Variants in SLC23A2 observed in about 807,000 individuals in gnomAD.
SLC23A2 encodes Na(+)/L-ascorbic acid transporter 2.
SLC23A2 carries 36 observed loss-of-function variants against 73.3 expected under a neutral mutation model. The observed-to-expected ratio is 0.49, with a 90% CI of 0.38 to 0.65. The LOEUF is 0.65. Among genes scored for constraint, SLC23A2 ranks in the 30% least tolerant of loss-of-function variants. SLC23A2 has a pLI of 0.00. For synonymous variants in SLC23A2, 343 were observed against 327.3 expected, an observed-to-expected ratio of 1.05 and a Z score of -0.52; for missense variants, 507 against 841.6, an observed-to-expected ratio of 0.60 and a Z score of 4.92.
rs1386653505 is a variant in SLC23A2, at chr20:4,872,008, T to G, written c.1102+1928A>C. Among the ~76,000 whole-genome samples, 2 of 152,170 alleles carry G rather than the reference T, an allele frequency of 1.3e-5. No individual in the cohort carries two copies. Among genetic ancestry groups the G allele is most frequent in the East Asian group, 3.8e-4 (2 of 5,202 alleles). On this transcript the variant is annotated intron_variant, in intron 11 of 16. Transcript: ENST00000338244. This position sits in a 1 kb window ranked among gnomAD's most constrained non-coding sequence, Gnocchi z 4.4. ...TCTATATATCTATATCTATATTTTTTTTTCTTAAAGACCTTGTTGGCTTCC... is the reference window on the plus strand; with the variant it reads ...TCTATATATCTATATCTATATTTTTGTTTCTTAAAGACCTTGTTGGCTTCC...
chr20:4,858,727 A>G (rs1406723649), intron 16 of SLC23A2, among the ~76,000 whole-genome samples: 1 of 152,202 alleles, frequency 6.6e-6, no homozygotes, highest in Non-Finnish European at 1.5e-5. Context: ...CAAGCTCAGC[A>G]CAGAATGTAT....
At chr20:4,910,441 C>CT (rs1364862142) in intron 4 of SLC23A2, among the ~76,000 whole-genome samples, 2 of 151,054 alleles carry the variant, frequency 1.3e-5, no homozygotes, top group Non-Finnish European at 3.0e-5. Context: ...TATTTATTTA[C>CT]TTTTTTTGAG....
At chr20:4,991,720 TCACA>T (rs11471369) in intron 1 of SLC23A2, among the ~76,000 whole-genome samples, 11,771 of 139,282 alleles carry the variant, frequency 0.085, 596 homozygotes, top group South Asian at 0.15. Flanking sequence ...AGACTCCGTT[TCACA>T]CACACACACA....
chr20:4,952,036 A>T (rs1177436380), intron 2 of SLC23A2, among the ~76,000 whole-genome samples: 1 of 142,146 alleles, frequency 7.0e-6, no homozygotes, highest in Non-Finnish European at 1.5e-5. Context: ...CCTGGGAGGC[A>T]GAGGTTGCAG....
intron 1 of SLC23A2, among the ~76,000 whole-genome samples, chr20:4,987,705 G>A (rs1288433110): frequency 2.0e-5 from 3 of 152,000 alleles, no homozygotes; most frequent in Non-Finnish European, 4.4e-5. Context: ...AAAATTAGCC[G>A]GGCGTGGTAG....
chr20:4,872,593 C>A lies in SLC23A2; in HGVS notation c.1102+1343G>T, dbSNP rs371658215. On this transcript the variant is annotated intron_variant, in intron 11 of 16. Transcript: ENST00000338244. This position sits in a 1 kb window ranked among gnomAD's most constrained non-coding sequence, Gnocchi z 4.4. ...GGGGCTTCTACCTACCTGCCACCCC[C>A]GCCTCGCCCTCACCCTGACTGCCTC... 2.6e-5 allele frequency among the ~76,000 whole-genome samples: 4 copies of A among 152,136 alleles called. No homozygotes were observed. The highest frequency in any genetic ancestry group is 5.9e-5 in the Non-Finnish European group (4 of 68,022).
intron 4 of SLC23A2, among the ~76,000 whole-genome samples, chr20:4,904,228 G>A (rs1207247024): frequency 6.6e-6 from 1 of 152,194 alleles, no homozygotes; most frequent in Non-Finnish European, 1.5e-5. Context: ...TAGGCAGTCA[G>A]CCATACCTAT....
Position 4,883,557 on chromosome 20 carries a change from G to A in SLC23A2, c.824+85C>T. 1 of 977,134 alleles carries A rather than the reference G, an allele frequency of 1.0e-6. No homozygotes were observed. The highest frequency in any genetic ancestry group is 1.5e-6 in the Non-Finnish European group (1 of 664,492). The allele number at this position is 977,134 out of a possible 1,614,324, so 60.5% of individuals were successfully genotyped here. A position where few individuals can be genotyped will look rare whatever the true frequency, so the allele number is the denominator to read the frequency against. On this transcript the variant is annotated intron_variant, in intron 9 of 16. Transcript: ENST00000338244. This position sits in a 1 kb window ranked among gnomAD's most constrained non-coding sequence, Gnocchi z 4.5. ...AAACTGTCAGACCATTCTTATTATT[G>A]AAAAACATTATCTCCTGAAGTCTGT...
intron 9 of SLC23A2, among the ~76,000 whole-genome samples, chr20:4,880,129 T>C (rs572334294): frequency 1.6e-4 from 24 of 152,322 alleles, no homozygotes; most frequent in African/African-American, 5.3e-4. Flanking sequence ...CAATGGTCCA[T>C]GGTTCTCCTT....
At chr20:4,969,120 C>T (rs2087521666) in intron 2 of SLC23A2, among the ~76,000 whole-genome samples, 1 of 150,186 alleles carries the variant, frequency 6.7e-6, no homozygotes, top group African/African-American at 2.5e-5. Flanking sequence ...GAGTTTCCCT[C>T]TTGTTACCCA....
Position 4,861,929 on chromosome 20 carries a change from G to A in SLC23A2, c.1624+19C>T, listed in dbSNP as rs1929982239. On this transcript the variant is annotated intron_variant, in intron 15 of 16. Transcript: ENST00000338244. ...GTGGTTCCAGCTCCCACTCCAAGAT[G>A]TAAAGCCCATTTCCTCACCTGTGAC... The A allele has an allele frequency of 2.5e-6, 4 of 1,613,110 alleles. No individual in the cohort carries two copies. Among genetic ancestry groups the A allele is most frequent in the Non-Finnish European group, 3.4e-6 (4 of 1,179,500 alleles).
At chr20:4,937,911 G>A (rs897562875) in intron 2 of SLC23A2, among the ~76,000 whole-genome samples, 1 of 151,922 alleles carries the variant, frequency 6.6e-6, no homozygotes, top group Admixed American at 6.6e-5. Flanking sequence ...CACCCTCCTT[G>A]GACTAGGAAC....
intron 9 of SLC23A2, among the ~76,000 whole-genome samples, chr20:4,875,613 G>A (rs1001296206): frequency 2.0e-5 from 3 of 152,172 alleles, no homozygotes; most frequent in African/African-American, 7.2e-5. Flanking sequence ...GGCAGGTGCT[G>A]ACCCCTCCAC....
chr20:5,002,669 G>A (rs1474502730), upstream of SLC23A2, among the ~76,000 whole-genome samples: 1 of 152,182 alleles, frequency 6.6e-6, no homozygotes. Context: ...AGGCAAGTGT[G>A]GTCTGTGTCT....
rs1930307975 is a variant in SLC23A2, at chr20:4,868,755, G to A, written c.1251-880C>T. On this transcript the variant is annotated intron_variant, in intron 12 of 16. Transcript: ENST00000338244. The surrounding 1 kb of genome is among the most constrained non-coding windows in gnomAD (Gnocchi z 4.4). ...CTCATCACACACAGTCCCTTCTGGG[G>A]TTACAGAGCTGGCTGGAGAACAGGA... Among the ~76,000 whole-genome samples the A allele has an allele frequency of 3.3e-5, 5 of 152,268 alleles. 1 individual carries two copies. In the South Asian group the frequency reaches 1.0e-3, roughly 32 times the overall value.
At chr20:4,953,177 G>A (rs1048661139) in intron 2 of SLC23A2, among the ~76,000 whole-genome samples, 1 of 151,880 alleles carries the variant, frequency 6.6e-6, no homozygotes, top group African/African-American at 2.4e-5. Context: ...GTGGTGATGC[G>A]TGCCTGTATT....
At chr20:4,942,922 C>G (rs1194835865) in intron 2 of SLC23A2, among the ~76,000 whole-genome samples, 2 of 151,964 alleles carry the variant, frequency 1.3e-5, no homozygotes, top group East Asian at 3.9e-4. Context: ...GTAGAATCCC[C>G]CTATGTAAAA....
At chr20:4,919,204 C>G (rs1463902947) in intron 3 of SLC23A2, among the ~76,000 whole-genome samples, 1 of 152,234 alleles carries the variant, frequency 6.6e-6, no homozygotes, top group Non-Finnish European at 1.5e-5. Context: ...GCCGATAGAT[C>G]TAACATGACA....
At chr20:5,008,255 TTAA>T (rs2088212174) in intron 1 of SLC23A2, among the ~76,000 whole-genome samples, 1 of 152,114 alleles carries the variant, frequency 6.6e-6, no homozygotes, top group Non-Finnish European at 1.5e-5. Context: ...CTCAGTGGCA[TTAA>T]GTGCCACTCC....
Sources: allele counts gnomAD v4.1 joint callset (sites outside exome capture counted in the v4.1 genomes callset), GRCh38; gene constraint gnomAD v4.1.1; non-coding constraint Gnocchi (gnomAD v3.1); transcripts MANE v1.5; gene names NCBI Gene and HGNC (gene_info 2026-07-23, HGNC 2026-07-21).